SKIC3: variants seen among roughly 807,000 people sequenced by gnomAD.
SKIC3 encodes the protein SKI3 subunit of superkiller complex.
the SKIC3 span, among the ~76,000 whole-genome samples, chr5:95,490,504 A>ATATTTT: frequency 1.4e-5 from 2 of 144,260 alleles, no homozygotes; most frequent in African/African-American, 2.6e-5. Flanking sequence ...ATATATATAT[A>ATATTTT]TTTTTTTTTT....
chr5:95,516,174 C>T, the SKIC3 span, among the ~76,000 whole-genome samples: 2 of 152,208 alleles, frequency 1.3e-5, no homozygotes, highest in South Asian at 2.1e-4. Context: ...GAAAATAAAT[C>T]TTACACATTA....
At chr5:95,483,983 G>T in the SKIC3 span, among the ~76,000 whole-genome samples, 1 of 152,050 alleles carries the variant, frequency 6.6e-6, no homozygotes, top group Non-Finnish European at 1.5e-5. Context: ...GAACCAATCA[G>T]AAATCAAAGG....
chr5:95,533,369 G>A, the SKIC3 span, among the ~76,000 whole-genome samples: 12 of 152,116 alleles, frequency 7.9e-5, no homozygotes, highest in Non-Finnish European at 1.5e-4. Flanking sequence ...CTTTGTGGGA[G>A]GGCGGCTCAG....
At chr5:95,478,779 G>A in the SKIC3 span, among the ~76,000 whole-genome samples, 1 of 152,034 alleles carries the variant, frequency 6.6e-6, no homozygotes, top group African/African-American at 2.4e-5. Context: ...AAGATTAATA[G>A]ATGCCATTAA....
the SKIC3 span, among the ~76,000 whole-genome samples, chr5:95,501,672 TAGG>T: frequency 1.3e-5 from 2 of 151,936 alleles, no homozygotes; most frequent in Non-Finnish European, 2.9e-5. Flanking sequence ...TGCCTTCACA[TAGG>T]AGAAGGGGAA....
the SKIC3 span, among the ~76,000 whole-genome samples, chr5:95,497,010 G>T: frequency 4.6e-5 from 7 of 151,916 alleles, no homozygotes; most frequent in African/African-American, 7.2e-5. Flanking sequence ...TATATTAGCA[G>T]TGTTCTAGTT....
At chr5:95,494,941 C>T in the SKIC3 span, 1 of 1,612,458 alleles carries the variant, frequency 6.2e-7, no homozygotes, top group South Asian at 1.1e-5. Context: ...TTCAACATTT[C>T]CTTTGTACTA....
At chr5:95,523,545 CCTATAGAAAAAAAA>C in the SKIC3 span, 1 of 1,339,766 alleles carries the variant, frequency 7.5e-7, no homozygotes, top group Non-Finnish European at 1.0e-6. Flanking sequence ...TTATATTGCA[CCTATAGAAAAAAAA>C]CTAATGATAA....
the SKIC3 span, chr5:95,540,835 TAAA>T: frequency 6.2e-6 from 10 of 1,613,702 alleles, no homozygotes; most frequent in African/African-American, 1.3e-5. Context: ...AGCCACCTAT[TAAA>T]GAAGGAGATT....
At chr5:95,520,642 T>A in the SKIC3 span, 1 of 1,208,940 alleles carries the variant, frequency 8.3e-7, no homozygotes, top group Non-Finnish European at 1.2e-6. Flanking sequence ...GCAGAATACA[T>A]AAAATGATCT....
the SKIC3 span, among the ~76,000 whole-genome samples, chr5:95,549,328 G>A: frequency 1.3e-5 from 2 of 151,994 alleles, no homozygotes; most frequent in African/African-American, 2.4e-5. Flanking sequence ...AGAAAATTAG[G>A]TTGGGTAGGT....
the SKIC3 span, among the ~76,000 whole-genome samples, chr5:95,475,513 G>C: frequency 6.6e-6 from 1 of 152,074 alleles, no homozygotes; most frequent in Non-Finnish European, 1.5e-5. Context: ...AGTTTCCTGA[G>C]GTCTCCCCAG....
the SKIC3 span, among the ~76,000 whole-genome samples, chr5:95,539,323 C>T: frequency 6.6e-6 from 1 of 151,984 alleles, no homozygotes; most frequent in East Asian, 1.9e-4. Flanking sequence ...AGAAGATATA[C>T]AAATGGCTGA....
the SKIC3 span, among the ~76,000 whole-genome samples, chr5:95,527,578 G>T: frequency 6.6e-6 from 1 of 152,014 alleles, no homozygotes; most frequent in African/African-American, 2.4e-5. Flanking sequence ...AAAACACTAA[G>T]AAATCGGTTT....
At chr5:95,510,583 T>C in the SKIC3 span, among the ~76,000 whole-genome samples, 45 of 152,190 alleles carry the variant, frequency 3.0e-4, no homozygotes, top group African/African-American at 1.1e-3. Flanking sequence ...TCTGATCTTG[T>C]GGCCCCCACC....
At chr5:95,486,848 C>T in the SKIC3 span, among the ~76,000 whole-genome samples, 4 of 152,196 alleles carry the variant, frequency 2.6e-5, no homozygotes, top group African/African-American at 7.2e-5. Flanking sequence ...GTTGGTCCCA[C>T]TGCCACTACC....
At chr5:95,479,534 G>A in the SKIC3 span, among the ~76,000 whole-genome samples, 2 of 152,098 alleles carry the variant, frequency 1.3e-5, no homozygotes, top group Non-Finnish European at 2.9e-5. Context: ...TACTCTGAGA[G>A]AAAGAGGGAG....
the SKIC3 span, among the ~76,000 whole-genome samples, chr5:95,527,210 T>C: frequency 1.3e-5 from 2 of 152,216 alleles, no homozygotes; most frequent in African/African-American, 4.8e-5. Context: ...TCTTGTACAT[T>C]TTCTATCTCA....
chr5:95,513,433 T>C, the SKIC3 span: 1 of 921,566 alleles, frequency 1.1e-6, no homozygotes, highest in Non-Finnish European at 1.7e-6. Context: ...CCTCAAGCAA[T>C]CCTCCTGCCT....
Sources: allele counts gnomAD v4.1 joint callset (sites outside exome capture counted in the v4.1 genomes callset), GRCh38; gene constraint gnomAD v4.1.1; transcripts MANE v1.5; gene names NCBI Gene and HGNC (gene_info 2026-07-23, HGNC 2026-07-21).